COL24A1: variants seen among roughly 807,000 people sequenced by gnomAD.
COL24A1 encodes collagen type XXIV alpha 1 chain.
Under a neutral mutation model 253.9 loss-of-function variants are expected in COL24A1, and 224 were observed. The observed-to-expected ratio is 0.88, with a 90% CI of 0.79 to 0.99. The LOEUF is 0.99. Among genes scored for constraint, COL24A1 ranks in the 50% least tolerant of loss-of-function variants. The pLI is 0.00. For missense variants in COL24A1, 2,131 were observed against 2,068.5 expected (o/e 1.03, Z -0.59); for synonymous variants, 685 against 673.7 (o/e 1.02, Z -0.26).
At chr1:86,058,377 T>A (rs893305435) in intron 9 of COL24A1, among the ~76,000 whole-genome samples, 4 of 151,296 alleles carry the variant, frequency 2.6e-5, no homozygotes, top group Admixed American at 6.6e-5. Flanking sequence ...CATATTCATG[T>A]TTTATATTTA....
chr1:86,007,477 G>A (rs561350499), intron 19 of COL24A1, among the ~76,000 whole-genome samples: 1 of 152,238 alleles, frequency 6.6e-6, no homozygotes, highest in Admixed American at 6.5e-5. Flanking sequence ...TCTACCCAAA[G>A]GAGTTGAAAA....
At chr1:85,988,094 G>T (rs1693890632) in intron 19 of COL24A1, among the ~76,000 whole-genome samples, 1 of 87,972 alleles carries the variant, frequency 1.1e-5, no homozygotes, top group African/African-American at 4.7e-5. Flanking sequence ...AACAACTTCT[G>T]TCTGATAAAA....
At chr1:85,986,778 T>G (rs939703907) in intron 20 of COL24A1, among the ~76,000 whole-genome samples, 1 of 151,944 alleles carries the variant, frequency 6.6e-6, no homozygotes, top group South Asian at 2.1e-4. Flanking sequence ...TCCAGCTTCA[T>G]CTCCTATCAT....
intron 2 of COL24A1, among the ~76,000 whole-genome samples, chr1:86,129,493 A>G (rs1266746775): frequency 6.6e-6 from 1 of 151,494 alleles, no homozygotes; most frequent in African/African-American, 2.4e-5. Context: ...AAGATGAATA[A>G]TTAGTCCTTT....
intron 43 of COL24A1, among the ~76,000 whole-genome samples, chr1:85,834,035 G>T (rs1354102305): frequency 2.6e-5 from 4 of 151,446 alleles, no homozygotes; most frequent in African/African-American, 9.7e-5. Context: ...GTTAATGGGT[G>T]CAGCACACCA....
chr1:85,737,366 C>G, intron 58 of COL24A1, 30 bp downstream of exon 58: 2 of 1,408,404 alleles, frequency 1.4e-6, no homozygotes, highest in Non-Finnish European at 2.0e-6. Flanking sequence ...TGCAATATAA[C>G]GACATGTGTT....
chr1:85,829,954 T>C (rs1323672214), intron 43 of COL24A1, among the ~76,000 whole-genome samples: 1 of 152,140 alleles, frequency 6.6e-6, no homozygotes. Context: ...AGCTTTGTTC[T>C]GTTGCTGGTG....
At chr1:85,792,894 T>G (rs1359187294) in intron 47 of COL24A1, among the ~76,000 whole-genome samples, 1 of 151,878 alleles carries the variant, frequency 6.6e-6, no homozygotes, top group Non-Finnish European at 1.5e-5. Context: ...GAAAAGAAAT[T>G]AGTGAGAAGA....
intron 24 of COL24A1, among the ~76,000 whole-genome samples, chr1:85,930,075 A>T (rs1295218276): frequency 1.4e-5 from 1 of 70,948 alleles, no homozygotes; most frequent in Non-Finnish European, 2.7e-5. Flanking sequence ...GCAAGAAATA[A>T]CTAAAATCAG....
At chr1:85,851,743 A>G (rs1677795682) in intron 37 of COL24A1, among the ~76,000 whole-genome samples, 2 of 152,122 alleles carry the variant, frequency 1.3e-5, no homozygotes, top group South Asian at 4.1e-4. Flanking sequence ...TCTGGTTCCT[A>G]TCTTGTGCCC....
At chr1:85,978,962 T>C (rs1177930340) in intron 20 of COL24A1, among the ~76,000 whole-genome samples, 1 of 152,072 alleles carries the variant, frequency 6.6e-6, no homozygotes, top group Non-Finnish European at 1.5e-5. Flanking sequence ...TCAATAAATT[T>C]AAGAAAATAG....
chr1:85,831,343 T>C (rs944504406), intron 43 of COL24A1, among the ~76,000 whole-genome samples: 2 of 152,092 alleles, frequency 1.3e-5, no homozygotes. Context: ...TAAACCATCA[T>C]GCCCAATTAT....
chr1:86,077,844 G>C (rs935558847), intron 7 of COL24A1, among the ~76,000 whole-genome samples: 1 of 131,304 alleles, frequency 7.6e-6, no homozygotes, highest in Admixed American at 7.5e-5. Flanking sequence ...GTGGGGGTTG[G>C]GGGGCTGGGG....
chr1:85,746,707 A>G (rs903680010), intron 55 of COL24A1, among the ~76,000 whole-genome samples: 2 of 152,208 alleles, frequency 1.3e-5, no homozygotes, highest in African/African-American at 4.8e-5. Context: ...TTGTTAGGAG[A>G]AGGGGTAGGA....
chr1:85,823,780 A>G (rs1390486531), intron 43 of COL24A1, 42 bp from the exon 44 acceptor site: 11 of 1,567,640 alleles, frequency 7.0e-6, no homozygotes, highest in Non-Finnish European at 9.6e-6. Flanking sequence ...AAGTAGAGAC[A>G]TGTGACTTAA....
chr1:85,911,397 C>T lies in COL24A1; in HGVS notation c.2599G>A (p.Gly867Arg), dbSNP rs1685350844. 2 of 1,611,928 alleles carry T rather than the reference C, an allele frequency of 1.2e-6. No homozygotes were observed. Among genetic ancestry groups the T allele is most frequent in the Non-Finnish European group, 1.7e-6 (2 of 1,178,958 alleles). ...VGLPGEVGMT[G>R]SIGEKGERGS... ...AAAATTACCTTTTCGCCAATGCTTC[C>T]AGTCATCCCAACTTCTCCAGGTAAG... Residue 867 changes from glycine (G) to arginine (R), a missense_variant, in exon 25 of 60, where the codon GGA becomes AGA. Coordinates refer to ENST00000370571, the MANE Select transcript of COL24A1 (RefSeq NM_152890.7).
chr1:85,799,211 A>AAAAAAAACAAAGAAAGAAAGAAAGAAAG (rs753701297), intron 47 of COL24A1, among the ~76,000 whole-genome samples: 2 of 137,546 alleles, frequency 1.5e-5, no homozygotes, highest in African/African-American at 5.6e-5. Flanking sequence ...TTGGCCACAT[A>AAAAAAAACAAAGAAAGAAAGAAAGAAAG]AAAGAAAGAA....
chr1:86,131,152 C>T (rs1649108938), intron 2 of COL24A1, among the ~76,000 whole-genome samples: 1 of 151,890 alleles, frequency 6.6e-6, no homozygotes, highest in African/African-American at 2.4e-5. Flanking sequence ...ACAAGTGACT[C>T]CGTAGTTATC....
chr1:85,962,768 ATGTCTAAAAGTAATCAATTAC>A (rs1438574422), intron 23 of COL24A1, among the ~76,000 whole-genome samples: 1 of 152,208 alleles, frequency 6.6e-6, no homozygotes, highest in Non-Finnish European at 1.5e-5. Flanking sequence ...TAAATATGTT[ATGTCTAAAAGTAATCAATTAC>A]TGTCTAAACA....
Sources: gnomAD v4.1 joint callset for allele counts (sites outside exome capture counted in the v4.1 genomes callset) on GRCh38, gnomAD v4.1.1 for gene constraint, MANE v1.5 for transcripts, NCBI Gene and HGNC (gene_info 2026-07-23, HGNC 2026-07-21) for gene names.